Variants in MEGF11 observed in about 807,000 individuals in gnomAD.
The protein encoded by MEGF11 is multiple epidermal growth factor-like domains protein 11.
In MEGF11, 126 loss-of-function variants were observed where a neutral mutation model predicts 146.6. The observed-to-expected ratio is 0.86, with a 90% CI of 0.74 to 1.00. The LOEUF (loss-of-function observed/expected upper bound fraction) is 1.00, where lower values mean the gene tolerates loss of function less well. Among genes scored for constraint, MEGF11 ranks in the 50% least tolerant of loss-of-function variants. MEGF11 has a pLI of 0.00. For missense variants in MEGF11, 1,509 were observed against 1,521.2 expected (o/e 0.99, Z 0.13); for synonymous variants, 532 against 583.4 (o/e 0.91, Z 1.27).
intron 4 of MEGF11, among the ~76,000 whole-genome samples, chr15:66,116,259 T>C (rs1438207791): frequency 1.3e-5 from 2 of 152,150 alleles, no homozygotes. Flanking sequence ...CTCTGGGCTG[T>C]TATGGAATGA....
At chr15:66,164,912 T>C (rs1472975575) in intron 1 of MEGF11, among the ~76,000 whole-genome samples, 1 of 152,204 alleles carries the variant, frequency 6.6e-6, no homozygotes, top group East Asian at 1.9e-4. Flanking sequence ...TACTAACAGC[T>C]GTCCCCACCA....
intron 1 of MEGF11, among the ~76,000 whole-genome samples, chr15:66,243,636 G>C (rs1370951571): frequency 6.6e-6 from 1 of 152,192 alleles, no homozygotes; most frequent in Admixed American, 6.5e-5. Flanking sequence ...ATGGAGACTG[G>C]CATGCCATTT....
At chr15:66,136,780 C>A (rs765779538) in intron 1 of MEGF11, among the ~76,000 whole-genome samples, 6 of 152,196 alleles carry the variant, frequency 3.9e-5, no homozygotes, top group Non-Finnish European at 7.3e-5. Context: ...GTAATCCCAG[C>A]ACTTTGGGAG....
At chr15:66,159,247 C>A (rs1301850200) in intron 1 of MEGF11, among the ~76,000 whole-genome samples, 4 of 152,244 alleles carry the variant, frequency 2.6e-5, no homozygotes, top group Non-Finnish European at 5.9e-5. Flanking sequence ...AGAACTCACA[C>A]AATGCCCAGA....
intron 1 of MEGF11, among the ~76,000 whole-genome samples, chr15:66,236,585 G>A (rs1331821931): frequency 2.0e-5 from 3 of 152,180 alleles, no homozygotes; most frequent in Admixed American, 6.5e-5. Flanking sequence ...GATGGGACAA[G>A]GAAGAATGAG....
At chr15:66,135,180 C>A (rs1322780492) in intron 1 of MEGF11, among the ~76,000 whole-genome samples, 3 of 152,134 alleles carry the variant, frequency 2.0e-5, no homozygotes, top group African/African-American at 7.2e-5. Flanking sequence ...AGTTTCCTTC[C>A]CAGCCACATC....
chr15:66,194,834 A>C (rs1467326317), intron 1 of MEGF11, among the ~76,000 whole-genome samples: 2 of 152,204 alleles, frequency 1.3e-5, no homozygotes, highest in Non-Finnish European at 2.9e-5. Context: ...AATAACTAAC[A>C]TAAAAATTAA....
chr15:65,898,256 A>G (rs548876991), intron 25 of MEGF11, 162 bp from the exon 26 acceptor site: 1 of 985,424 alleles, frequency 1.0e-6, no homozygotes, highest in African/African-American at 1.7e-5. Flanking sequence ...GGAGATGGAA[A>G]ACTAAGTGAA....
intron 1 of MEGF11, among the ~76,000 whole-genome samples, chr15:66,163,196 T>C (rs1462062420): frequency 6.6e-6 from 1 of 152,184 alleles, no homozygotes; most frequent in Middle Eastern, 3.2e-3. Context: ...CTGGGCTCGC[T>C]CCATCCTGCT....
At chr15:66,252,431 A>G (rs2092387356) in intron 1 of MEGF11, among the ~76,000 whole-genome samples, 1 of 152,170 alleles carries the variant, frequency 6.6e-6, no homozygotes, top group Non-Finnish European at 1.5e-5. Context: ...GGCGATCCTG[A>G]AGCGGAGCCA....
chr15:65,922,814 T>C lies in MEGF11; in HGVS notation c.1822+9A>G, dbSNP rs767689738. On this transcript the variant is annotated intron_variant, in intron 14 of 25. Transcript: ENST00000395614. ...TCTGAGCTCTTCGGGGTCAGGGGATTAGCCTTACTTCTCTGGCATAAGGGT... is the reference window on the plus strand; with the variant it reads ...TCTGAGCTCTTCGGGGTCAGGGGATCAGCCTTACTTCTCTGGCATAAGGGT... 1 of 1,613,578 alleles carries C rather than the reference T, an allele frequency of 6.2e-7. No homozygotes were observed. Among genetic ancestry groups the C allele is most frequent in the South Asian group, 1.1e-5 (1 of 91,024 alleles).
At chr15:66,233,275 G>A (rs755786239) in intron 1 of MEGF11, among the ~76,000 whole-genome samples, 6 of 152,052 alleles carry the variant, frequency 3.9e-5, no homozygotes, top group East Asian at 1.9e-4. Context: ...TAGCTTTGTC[G>A]CCCAGGCTGG....
At chr15:66,172,161 G>A (rs36071515) in intron 1 of MEGF11, among the ~76,000 whole-genome samples, 7 of 152,304 alleles carry the variant, frequency 4.6e-5, no homozygotes, top group South Asian at 4.1e-4. Flanking sequence ...GGCTGGAGTC[G>A]GAAGTTTGCT....
At chr15:65,983,053 A>G (rs17239712) in intron 5 of MEGF11, among the ~76,000 whole-genome samples, 2,451 of 152,102 alleles carry the variant, frequency 0.016, 30 homozygotes, top group Non-Finnish European at 0.026. Context: ...CTCTCTGGGA[A>G]TATTTCCTCT....
chr15:66,071,646 T>C (rs1276243781), intron 5 of MEGF11, among the ~76,000 whole-genome samples: 2 of 152,134 alleles, frequency 1.3e-5, no homozygotes, highest in Non-Finnish European at 2.9e-5. Flanking sequence ...GGGTTCCCAG[T>C]TGGGGCTGTG....
At chr15:66,109,552 C>A (rs929716414) in intron 4 of MEGF11, among the ~76,000 whole-genome samples, 11 of 151,938 alleles carry the variant, frequency 7.2e-5, no homozygotes, top group African/African-American at 2.7e-4. Context: ...CCCAATGGGA[C>A]TCTGTTTTAC....
At chr15:65,932,997 T>G (rs1168284514) in intron 10 of MEGF11, among the ~76,000 whole-genome samples, 2 of 152,078 alleles carry the variant, frequency 1.3e-5, no homozygotes, top group Non-Finnish European at 2.9e-5. Context: ...AGGAGCTCCC[T>G]TCTCAACTCT....
intron 10 of MEGF11, among the ~76,000 whole-genome samples, chr15:65,955,038 T>C (rs1208694885): frequency 6.6e-6 from 1 of 152,192 alleles, no homozygotes; most frequent in African/African-American, 2.4e-5. Flanking sequence ...GTCCATACAG[T>C]GGACCATCTT....
chr15:66,210,216 A>AT, intron 1 of MEGF11, among the ~76,000 whole-genome samples: 1 of 152,328 alleles, frequency 6.6e-6, no homozygotes, highest in South Asian at 2.1e-4. Flanking sequence ...ATTGGAGGAA[A>AT]CTGAGTAAAG....
Sources: allele counts gnomAD v4.1 joint callset (sites outside exome capture counted in the v4.1 genomes callset), GRCh38; gene constraint gnomAD v4.1.1; transcripts MANE v1.5; gene names NCBI Gene and HGNC (gene_info 2026-07-23, HGNC 2026-07-21).